The following AUTS2 variants were observed in gnomAD, a reference collection of about 807,000 sequenced individuals.
The protein encoded by AUTS2 is autism susceptibility gene 2 protein.
In AUTS2, 17 loss-of-function variants were observed where a neutral mutation model predicts 112.4. The observed-to-expected ratio is 0.15, with a 90% CI of 0.10 to 0.23. The LOEUF (loss-of-function observed/expected upper bound fraction) is 0.23. Ranked by LOEUF, AUTS2 falls within the 10% of genes least tolerant of loss-of-function variation. The pLI, the probability that AUTS2 is intolerant of heterozygous loss-of-function variation, is 1.00. For synonymous variants in AUTS2, 751 were observed against 702.7 expected (o/e 1.07, Z -1.09); for missense variants, 1,510 against 1,701.6 (o/e 0.89, Z 1.98).
At chr7:69,672,602 A>G (rs1796385930) in intron 1 of AUTS2, among the ~76,000 whole-genome samples, 1 of 152,208 alleles carries the variant, frequency 6.6e-6, no homozygotes, top group African/African-American at 2.4e-5. Context: ...TTTTTAGAAC[A>G]TGTCGAGGAG....
chr7:70,370,990 A>T (rs1020474399), intron 4 of AUTS2, among the ~76,000 whole-genome samples: 1 of 152,180 alleles, frequency 6.6e-6, no homozygotes, highest in Non-Finnish European at 1.5e-5. Context: ...AGACTGAGAA[A>T]TAAATATTAA....
intron 4 of AUTS2, among the ~76,000 whole-genome samples, chr7:70,354,789 G>A (rs1791918001): frequency 6.6e-6 from 1 of 152,158 alleles, no homozygotes; most frequent in Non-Finnish European, 1.5e-5. Context: ...TTAAGAATGT[G>A]TTCATACCAA....
chr7:70,764,635 A>G, intron 7 of AUTS2, 117 bp from the exon 8 acceptor site: 1 of 635,334 alleles, frequency 1.6e-6, no homozygotes, highest in South Asian at 1.9e-5. Flanking sequence ...TGTAAAGAGG[A>G]AGGGGCAAGA....
chr7:70,550,515 T>G (rs1039833229), intron 5 of AUTS2, among the ~76,000 whole-genome samples: 2 of 152,186 alleles, frequency 1.3e-5, no homozygotes, highest in African/African-American at 4.8e-5. Flanking sequence ...AAAGAACTCA[T>G]TAGCTCCTGT....
At chr7:69,916,702 C>G (rs1795593226) in intron 2 of AUTS2, among the ~76,000 whole-genome samples, 1 of 152,144 alleles carries the variant, frequency 6.6e-6, no homozygotes, top group Non-Finnish European at 1.5e-5. Context: ...CCCCTCTTCC[C>G]CCCATTCTTA....
chr7:70,391,564 T>C (rs937743257), intron 4 of AUTS2, among the ~76,000 whole-genome samples: 2 of 152,168 alleles, frequency 1.3e-5, no homozygotes, highest in Non-Finnish European at 2.9e-5. Flanking sequence ...GGAGTATCTG[T>C]TGAATAATCT....
At chr7:70,431,802 C>G (rs1308510117) in intron 4 of AUTS2, among the ~76,000 whole-genome samples, 1 of 152,184 alleles carries the variant, frequency 6.6e-6, no homozygotes, top group Non-Finnish European at 1.5e-5. Context: ...ATTCATGAAA[C>G]CAGGGGAAGA....
chr7:70,460,057 G>A (rs1796899606), intron 5 of AUTS2, among the ~76,000 whole-genome samples: 1 of 152,158 alleles, frequency 6.6e-6, no homozygotes, highest in Admixed American at 6.5e-5. Context: ...GCCCCGGGAG[G>A]TGGAGGCATC....
At chr7:70,740,991 G>A (rs1788070436) in intron 6 of AUTS2, among the ~76,000 whole-genome samples, 1 of 152,012 alleles carries the variant, frequency 6.6e-6, no homozygotes, top group Non-Finnish European at 1.5e-5. Flanking sequence ...CTACTTGGGA[G>A]GGTGAGGCAA....
chr7:69,878,431 A>G (rs1289494431), intron 1 of AUTS2, among the ~76,000 whole-genome samples: 1 of 152,176 alleles, frequency 6.6e-6, no homozygotes, highest in Non-Finnish European at 1.5e-5. Context: ...CAGTGCTCAC[A>G]TCCAGGGTCA....
intron 2 of AUTS2, among the ~76,000 whole-genome samples, chr7:69,982,928 T>G (rs1377432292): frequency 1.3e-5 from 2 of 152,214 alleles, no homozygotes; most frequent in East Asian, 3.8e-4. Context: ...GGACAGAGTT[T>G]TAGAGCTGAA....
chr7:70,781,726 G>T lies in AUTS2; in HGVS notation c.2116G>T (p.Ala706Ser), dbSNP rs764564016. ...AGCCATCCACCACCCCCATGACCTG[G>T]CACGGCCTTCAACTTTGTTCTCTGC... Reference protein sequence around the residue: ...FGAIHHPHDLARPSTLFSAAG... With the variant: ...FGAIHHPHDLSRPSTLFSAAG... The change falls in exon 15 of 19, where the codon GCA (alanine) becomes TCA (serine). Residue 706 changes from alanine to serine, a missense_variant. By Grantham distance (99) the Ala-to-Ser change is moderately conservative. Coordinates refer to ENST00000342771, the MANE Select transcript of AUTS2 (RefSeq NM_015570.4). 1 of 1,614,176 alleles carries T rather than the reference G, an allele frequency of 6.2e-7. No individual in the cohort carries two copies. The highest frequency in any genetic ancestry group is 1.7e-5 in the Admixed American group (1 of 60,032).
chr7:70,134,954 C>T (rs1223085199), intron 4 of AUTS2, among the ~76,000 whole-genome samples: 1 of 152,150 alleles, frequency 6.6e-6, no homozygotes, highest in African/African-American at 2.4e-5. Context: ...TCTTGAATAA[C>T]ATCTCTTCAT....
At chr7:70,066,120 A>C (rs1247452007) in intron 2 of AUTS2, among the ~76,000 whole-genome samples, 1 of 152,224 alleles carries the variant, frequency 6.6e-6, no homozygotes, top group African/African-American at 2.4e-5. Flanking sequence ...AATCAGTTTG[A>C]TAATTTTGCC....
At chr7:69,972,663 G>A (rs1797894793) in intron 2 of AUTS2, among the ~76,000 whole-genome samples, 1 of 136,392 alleles carries the variant, frequency 7.3e-6, no homozygotes, top group Non-Finnish European at 1.6e-5. Flanking sequence ...TTGTGTGTGT[G>A]TGCGTGCATG....
intron 2 of AUTS2, among the ~76,000 whole-genome samples, chr7:70,076,778 AC>A (rs1264658336): frequency 6.6e-6 from 1 of 152,280 alleles, no homozygotes; most frequent in East Asian, 1.9e-4. Flanking sequence ...TAAATGGGAA[AC>A]CCTGTGTCTG....
chr7:70,208,652 GA>G (rs1427069208), intron 4 of AUTS2, among the ~76,000 whole-genome samples: 1 of 152,018 alleles, frequency 6.6e-6, no homozygotes, highest in Non-Finnish European at 1.5e-5. Flanking sequence ...CATAAAGAAG[GA>G]AATGATTAAT....
chr7:70,047,079 A>G lies in AUTS2; in HGVS notation c.523-71053A>G, dbSNP rs141122046. Among the ~76,000 whole-genome samples, 25 of 152,284 alleles carry G rather than the reference A, an allele frequency of 1.6e-4. No individual in the cohort carries two copies. In the East Asian group the frequency reaches 4.4e-3, roughly 27 times the overall value. On this transcript the variant is annotated intron_variant, in intron 2 of 18. Transcript: ENST00000342771. ...ATGCAGTTCGGGGGTGATCTGTGAT[A>G]TAAGTTTGTTATGGTGGAATTGATG...
intron 5 of AUTS2, among the ~76,000 whole-genome samples, chr7:70,541,846 A>G (rs576962346): frequency 1.3e-5 from 2 of 152,324 alleles, no homozygotes; most frequent in East Asian, 3.9e-4. Flanking sequence ...AGAGCTAGGG[A>G]TTAAAGTTTG....
Sources: allele counts gnomAD v4.1 joint callset (sites outside exome capture counted in the v4.1 genomes callset), GRCh38; gene constraint gnomAD v4.1.1; transcripts MANE v1.5; gene names NCBI Gene and HGNC (gene_info 2026-07-23, HGNC 2026-07-21).